Variants in HDAC4 observed in about 807,000 individuals in gnomAD.
HDAC4 encodes histone deacetylase A.
In HDAC4, 16 loss-of-function variants were observed where a neutral mutation model predicts 135.1. That is an observed-to-expected ratio of 0.12 (90% CI 0.08 to 0.18). The LOEUF is 0.18. HDAC4 is among the 10% of genes least tolerant of loss of function. The probability of loss-of-function intolerance (pLI) is 1.00; values close to 1 mark genes in which losing one functional copy is unlikely to be tolerated. For missense variants in HDAC4, 1,143 were observed against 1,511.8 expected (o/e 0.76, Z 4.05); for synonymous variants, 685 against 653.4 (o/e 1.05, Z -0.74).
chr2:239,112,706 G>C (rs1281590794), intron 13 of HDAC4, among the ~76,000 whole-genome samples: 1 of 152,232 alleles, frequency 6.6e-6, no homozygotes, highest in Non-Finnish European at 1.5e-5. Flanking sequence ...CAGCAGCTGA[G>C]GGAGAGCACA....
chr2:239,362,573 T>C (rs959136105), intron 1 of HDAC4, among the ~76,000 whole-genome samples: 2 of 152,186 alleles, frequency 1.3e-5, no homozygotes, highest in Non-Finnish European at 2.9e-5. Flanking sequence ...GCAGTGACTA[T>C]AGCTCAAAGT....
At chr2:239,231,627 GTAGGTGT>G (rs1304435485) in intron 3 of HDAC4, among the ~76,000 whole-genome samples, 8 of 125,240 alleles carry the variant, frequency 6.4e-5, no homozygotes, top group Non-Finnish European at 1.1e-4. Flanking sequence ...GATGCCTGAG[GTAGGTGT>G]CCTCCCCGAA....
chr2:239,065,125 G>A (rs903239089), intron 24 of HDAC4, among the ~76,000 whole-genome samples: 1 of 152,202 alleles, frequency 6.6e-6, no homozygotes, highest in Non-Finnish European at 1.5e-5. Flanking sequence ...TCCATCGGGG[G>A]AGGCTTGCAC....
intron 9 of HDAC4, among the ~76,000 whole-genome samples, chr2:239,135,577 T>C (rs545949804): frequency 6.6e-6 from 1 of 152,248 alleles, no homozygotes; most frequent in Non-Finnish European, 1.5e-5. Context: ...AGTGGCACCC[T>C]TTCTGCAGGA....
At position 239,111,590 on chromosome 2, in the gene HDAC4, T is replaced by A. The variant is rs776327511; in HGVS notation, c.1914A>T (p.Ser638=). The change falls in exon 14 of 27, where the codon TCA becomes TCT. Residue 638 remains serine, a synonymous_variant. Coordinates refer to ENST00000543185, the MANE Select transcript of HDAC4 (RefSeq NM_001378414.1). ...ACACGGGGAAGGTGGCAGACGCGGG[T>A]GAGGACTGCGCCCGGGACAGAGGCC... The part of the protein sequence containing the change: ...GHRPLSRAQS[S]PASATFPVSV... 1 of 1,611,454 alleles carries A rather than the reference T, an allele frequency of 6.2e-7. No homozygotes were observed. The highest frequency in any genetic ancestry group is 8.5e-7 in the Non-Finnish European group (1 of 1,179,502).
chr2:239,185,865 T>C (rs1418495085), intron 4 of HDAC4, among the ~76,000 whole-genome samples: 2 of 152,080 alleles, frequency 1.3e-5, no homozygotes, highest in African/African-American at 4.8e-5. Context: ...AACCCATCTC[T>C]ACCAAAAATA....
At chr2:239,073,492 G>A (rs879528852) in intron 22 of HDAC4, among the ~76,000 whole-genome samples, 1 of 152,248 alleles carries the variant, frequency 6.6e-6, no homozygotes, top group Non-Finnish European at 1.5e-5. Context: ...GTGCATCGGC[G>A]TGCGAGCGTC....
At position 239,262,653 on chromosome 2, in the gene HDAC4, T is replaced by G. The variant is rs1366427820; in HGVS notation, c.23-25989A>C. Among the ~76,000 whole-genome samples the G allele has an allele frequency of 6.6e-6, 1 of 151,706 alleles. No homozygotes were observed. The highest frequency in any genetic ancestry group is 1.5e-5 in the Non-Finnish European group (1 of 67,934). On this transcript the variant is annotated intron_variant, in intron 2 of 26. Transcript: ENST00000543185. The surrounding 1 kb of genome is among the most constrained non-coding windows in gnomAD (Gnocchi z 4.1). ...GCAAGAGTGTGGGACCAACGAGACC[T>G]GGGCTAGTGCAGGGGTGGGCAGGCA...
chr2:239,203,047 GCCTCAGCCCTACAGGCA>G (rs1013336372), intron 3 of HDAC4, among the ~76,000 whole-genome samples: 2 of 152,216 alleles, frequency 1.3e-5, no homozygotes, highest in African/African-American at 2.4e-5. Context: ...GCTGAGTGGA[GCCTCAGCCCTACAGGCA>G]CACAGCCCTG....
At chr2:239,202,963 C>T (rs1042621782) in intron 3 of HDAC4, among the ~76,000 whole-genome samples, 13 of 152,178 alleles carry the variant, frequency 8.5e-5, no homozygotes, top group Non-Finnish European at 1.3e-4. Flanking sequence ...GCAGACTGAT[C>T]GCCGCACCTG....
chr2:239,104,129 A>G (rs906133441), intron 15 of HDAC4, among the ~76,000 whole-genome samples: 7 of 152,232 alleles, frequency 4.6e-5, no homozygotes, highest in Non-Finnish European at 1.0e-4. Flanking sequence ...TTGGGGACAT[A>G]AGTCACATGT....
At chr2:239,108,836 T>C (rs1192898373) in intron 14 of HDAC4, among the ~76,000 whole-genome samples, 1 of 152,178 alleles carries the variant, frequency 6.6e-6, no homozygotes, top group Non-Finnish European at 1.5e-5. Context: ...AGCACTGAGC[T>C]CAGCATGGAC....
At chr2:239,096,323 G>A (rs1391892249) in intron 16 of HDAC4, among the ~76,000 whole-genome samples, 1 of 150,824 alleles carries the variant, frequency 6.6e-6, no homozygotes, top group African/African-American at 2.4e-5. Flanking sequence ...GCCCACGGAT[G>A]CCCGCACCCC....
In HDAC4 at chr2:239,331,910, C is replaced by T. The variant is rs947966567; in HGVS notation, c.22+20768G>A. ...CTGAGCGTGGGGGTGAGGAGAGCCC[C>T]GTGCCAGGAGTGAGGGCAACACGGA... On this transcript the variant is annotated intron_variant, in intron 2 of 26. Coordinates refer to ENST00000543185, the MANE Select transcript of HDAC4 (RefSeq NM_001378414.1). The surrounding 1 kb of genome is among the most constrained non-coding windows in gnomAD (Gnocchi z 4.5). Among the ~76,000 whole-genome samples, 3 of 152,062 alleles carry T rather than the reference C, an allele frequency of 2.0e-5. No homozygotes were observed. Among genetic ancestry groups the T allele is most frequent in the Non-Finnish European group, 4.4e-5 (3 of 68,028 alleles).
intron 2 of HDAC4, among the ~76,000 whole-genome samples, chr2:239,241,830 G>T (rs1463892172): frequency 3.3e-5 from 5 of 152,064 alleles, no homozygotes; most frequent in Non-Finnish European, 7.4e-5. Context: ...CCATGGATGG[G>T]CAACATTAGT....
At chr2:239,390,303 G>A (rs758389244) in intron 1 of HDAC4, among the ~76,000 whole-genome samples, 1 of 152,284 alleles carries the variant, frequency 6.6e-6, no homozygotes. Context: ...AAGCCGAGGT[G>A]GGCAGACTGT....
intron 2 of HDAC4, among the ~76,000 whole-genome samples, chr2:239,334,377 C>T (rs1477910079): frequency 6.6e-6 from 1 of 151,946 alleles, no homozygotes; most frequent in Admixed American, 6.6e-5. Flanking sequence ...AAAAATTAGC[C>T]AGGCATGGTG....
intron 2 of HDAC4, chr2:239,298,273 T>C: frequency 1.1e-5 from 14 of 1,271,442 alleles, no homozygotes; most frequent in Non-Finnish European, 1.4e-5. Flanking sequence ...ACTGGGCTGG[T>C]GCCCTGGACA....
chr2:239,188,778 C>T (rs2044713291), intron 4 of HDAC4, among the ~76,000 whole-genome samples: 1 of 152,258 alleles, frequency 6.6e-6, no homozygotes, highest in Non-Finnish European at 1.5e-5. Context: ...GGCCATGCTT[C>T]CTCTCGGGTT....
Sources: allele counts gnomAD v4.1 joint callset (sites outside exome capture counted in the v4.1 genomes callset), GRCh38; gene constraint gnomAD v4.1.1; non-coding constraint Gnocchi (gnomAD v3.1); transcripts MANE v1.5; gene names NCBI Gene and HGNC (gene_info 2026-07-23, HGNC 2026-07-21).